Variants in AGPS observed in about 807,000 individuals in gnomAD.
AGPS encodes the protein alkylglycerone phosphate synthase.
In AGPS, 26 loss-of-function variants were observed where a neutral mutation model predicts 90.7. That is an observed-to-expected ratio of 0.29 (90% CI 0.21 to 0.40). AGPS has a LOEUF of 0.40. Among genes scored for constraint, AGPS ranks in the 10% least tolerant of loss-of-function variants. The probability of loss-of-function intolerance (pLI) is 1.00; values close to 1 mark genes in which losing one functional copy is unlikely to be tolerated. For synonymous variants in AGPS, 294 were observed against 285.3 expected (o/e 1.03, Z -0.31); for missense variants, 540 against 816.1 (o/e 0.66, Z 4.12).
At chr2:177,486,537 G>A (rs1246346814) in intron 11 of AGPS, among the ~76,000 whole-genome samples, 1 of 151,546 alleles carries the variant, frequency 6.6e-6, no homozygotes, top group African/African-American at 2.4e-5. Context: ...ATGGTACATG[G>A]CTTATGATTG....
intron 17 of AGPS, among the ~76,000 whole-genome samples, chr2:177,516,316 A>G (rs905243549): frequency 6.6e-6 from 1 of 152,182 alleles, no homozygotes; most frequent in African/African-American, 2.4e-5. Flanking sequence ...TGAAGACGTT[A>G]TATGGGAAGT....
intron 17 of AGPS, 99 bp downstream of exon 17, chr2:177,514,007 G>C (rs1688955379): frequency 1.1e-6 from 1 of 905,970 alleles, no homozygotes; most frequent in Non-Finnish European, 1.8e-6. Flanking sequence ...AAAAGCTTCA[G>C]TCTATTACAT....
At chr2:177,467,036 C>T (rs1032659012) in intron 9 of AGPS, among the ~76,000 whole-genome samples, 4 of 152,208 alleles carry the variant, frequency 2.6e-5, no homozygotes, top group African/African-American at 4.8e-5. Context: ...CTGTTTCCAG[C>T]TCCCGTTGGC....
chr2:177,431,450 G>T (rs1188036024), intron 2 of AGPS, among the ~76,000 whole-genome samples: 2 of 152,128 alleles, frequency 1.3e-5, no homozygotes, highest in African/African-American at 2.4e-5. Context: ...CAGAGAACCG[G>T]TCTGACCTCA....
At chr2:177,403,272 T>C (rs1685379681) in intron 1 of AGPS, among the ~76,000 whole-genome samples, 1 of 152,126 alleles carries the variant, frequency 6.6e-6, no homozygotes, top group South Asian at 2.1e-4. Context: ...GGAAGGGCAA[T>C]TTTATATCAA....
At chr2:177,503,778 A>G (rs1161053151) in intron 14 of AGPS, among the ~76,000 whole-genome samples, 1 of 152,158 alleles carries the variant, frequency 6.6e-6, no homozygotes, top group Non-Finnish European at 1.5e-5. Flanking sequence ...ATTTCCTTGT[A>G]AAGCCCAGAC....
chr2:177,444,624 A>T (rs1455858325), intron 7 of AGPS, among the ~76,000 whole-genome samples: 2 of 3,472 alleles, frequency 5.8e-4, no homozygotes, highest in African/African-American at 1.2e-3. Flanking sequence ...CTATTTTTGT[A>T]TTGTATTTTG....
At chr2:177,514,398 A>G (rs914734797) in intron 17 of AGPS, among the ~76,000 whole-genome samples, 6 of 152,196 alleles carry the variant, frequency 3.9e-5, no homozygotes, top group African/African-American at 1.4e-4. Flanking sequence ...AGCATATGAA[A>G]AAACTGTTAG....
chr2:177,468,591 A>T, intron 10 of AGPS, 67 bp downstream of exon 10: 1 of 1,082,330 alleles, frequency 9.2e-7, no homozygotes, highest in Non-Finnish European at 1.4e-6. Context: ...GAAAATCTTT[A>T]TATTGTGACA....
Position 177,507,981 on chromosome 2 carries a change from G to A in AGPS, c.1557G>A (p.Leu519=). The A allele has an allele frequency of 6.2e-7, 1 of 1,612,588 alleles. No individual in the cohort carries two copies. Among genetic ancestry groups the A allele is most frequent in the South Asian group, 1.1e-5 (1 of 91,040 alleles). The change falls in exon 16 of 20, where the codon TTG becomes TTA. Residue 519 remains leucine, a synonymous_variant. Transcript: ENST00000264167. ...YVIAYIRDLA[L]EYYVLGESFE... ...TTGTGTCTTAATAGGACTTGGCTTT[G>A]GAATACTATGTATTAGGAGAATCTT... is the stretch of plus-strand genomic sequence containing the variant.
At chr2:177,511,348 T>C (rs1257389518) in intron 16 of AGPS, among the ~76,000 whole-genome samples, 1 of 152,116 alleles carries the variant, frequency 6.6e-6, no homozygotes, top group East Asian at 1.9e-4. Context: ...TCCTCCTGCA[T>C]TGGCCTTCGA....
chr2:177,453,012 C>T (rs1393172004), intron 8 of AGPS, among the ~76,000 whole-genome samples: 1 of 151,706 alleles, frequency 6.6e-6, no homozygotes, highest in African/African-American at 2.4e-5. Context: ...TTGCCTTCTG[C>T]TTGAAGGACT....
chr2:177,445,587 T>G lies in AGPS; in HGVS notation c.831T>G (p.His277Gln), dbSNP rs1559049395. ...LWVDENNLTA[H>Q]VEAGITGQEL... is the part of the protein sequence containing the mutation. ...TTGATGAGAACAATTTGACAGCTCA[T>G]GTAGAGGCTGGCATAACAGGACAAG... The change falls in exon 8 of 20, where the codon CAT becomes CAG. Residue 277 changes from histidine to glutamine, a missense_variant. Physicochemically the swap from His to Gln is conservative, Grantham distance 24. Around this residue, in one of 2 missense-constraint regions of AGPS, gnomAD observed 405 missense variants for 692.1 expected, o/e 0.59. Coordinates refer to ENST00000264167, the MANE Select transcript of AGPS (RefSeq NM_003659.4). 6.2e-7 allele frequency: 1 copy of G among 1,613,768 alleles called. No homozygotes were observed. Among genetic ancestry groups the G allele is most frequent in the Non-Finnish European group, 8.5e-7 (1 of 1,179,756 alleles).
At chr2:177,519,734 G>C (rs1293889893) in intron 17 of AGPS, among the ~76,000 whole-genome samples, 1 of 152,150 alleles carries the variant, frequency 6.6e-6, no homozygotes, top group Non-Finnish European at 1.5e-5. Context: ...TTGCCAGAGT[G>C]TGACAGGAAA....
At chr2:177,488,863 G>C (rs1347448127) in intron 11 of AGPS, among the ~76,000 whole-genome samples, 1 of 152,086 alleles carries the variant, frequency 6.6e-6, no homozygotes, top group Non-Finnish European at 1.5e-5. Context: ...GCCATTCAAT[G>C]CTTATACTTT....
At chr2:177,430,577 C>T (rs1465712060) in intron 2 of AGPS, among the ~76,000 whole-genome samples, 2 of 152,082 alleles carry the variant, frequency 1.3e-5, no homozygotes, top group Non-Finnish European at 2.9e-5. Context: ...CAATCTCTCA[C>T]TGCTCTGCTT....
rs193014998 is a variant in AGPS at position 177,403,015 on chromosome 2, C to T, written c.260+9966C>T. Among the ~76,000 whole-genome samples the T allele has an allele frequency of 4.0e-3, 611 of 152,206 alleles. 5 individuals carry two copies. The highest frequency in any genetic ancestry group is 0.032 in the East Asian group (167 of 5,182). On this transcript the variant is annotated intron_variant, in intron 1 of 19. Transcript: ENST00000264167. The stretch of plus-strand genomic sequence containing the variant: ...GAGGTTGCAGTGAGCCGAGATCATG[C>T]CACTGCACTCCAGCCTGGGTGACAG...
At chr2:177,537,003 A>G (rs2079189991) in intron 19 of AGPS, among the ~76,000 whole-genome samples, 1 of 152,188 alleles carries the variant, frequency 6.6e-6, no homozygotes, top group African/African-American at 2.4e-5. Flanking sequence ...CAGTTGGTCA[A>G]TTAAATCACT....
At chr2:177,433,414 GA>G (rs2105625344) in intron 2 of AGPS, among the ~76,000 whole-genome samples, 1 of 152,228 alleles carries the variant, frequency 6.6e-6, no homozygotes, top group Non-Finnish European at 1.5e-5. Context: ...TCTCTGCTAA[GA>G]TTTTTTTTCT....
Sources: allele counts gnomAD v4.1 joint callset (sites outside exome capture counted in the v4.1 genomes callset), GRCh38; gene constraint gnomAD v4.1.1; regional missense constraint gnomAD v4.1.1; transcripts MANE v1.5; gene names NCBI Gene and HGNC (gene_info 2026-07-23, HGNC 2026-07-21).